The following NUP153 variants were observed in gnomAD, a reference collection of about 807,000 sequenced individuals.
NUP153 encodes nucleoporin 153.
In NUP153, 27 loss-of-function variants were observed where a neutral mutation model predicts 134.6. The observed-to-expected ratio is 0.20, with a 90% confidence interval of 0.15 to 0.28. The LOEUF (loss-of-function observed/expected upper bound fraction) is 0.28. NUP153 is among the 10% of genes least tolerant of loss of function. The pLI is 1.00. For missense variants in NUP153, 1,821 were observed against 1,731.3 expected (o/e 1.05, Z -0.92); for synonymous variants, 640 against 623.5 (o/e 1.03, Z -0.40).
rs772543268 is a variant in NUP153 at position 17,649,297 on chromosome 6, T to A, written c.1399A>T (p.Met467Leu). 5.6e-6 allele frequency: 9 copies of A among 1,609,832 alleles called. No individual in the cohort carries two copies. In the South Asian group the frequency reaches 1.0e-4, roughly 18 times the overall value. The change falls in exon 12 of 22, where the codon ATG (methionine) becomes TTG (leucine). Residue 467 changes from methionine (M) to leucine (L), a missense_variant. Met to Leu is a conservative substitution (Grantham distance 15). Transcript: ENST00000262077. ...VASKPLEEEE[M>L]EVPVLPKISL... Reference sequence around the variant, plus strand: ...ATTTTCGGTAATACTGGAACTTCCATTTCCTAAAACATAACATGTTGCATG... The same window carrying A: ...ATTTTCGGTAATACTGGAACTTCCAATTCCTAAAACATAACATGTTGCATG...
At chr6:17,682,141 G>A (rs978938806) in intron 2 of NUP153, among the ~76,000 whole-genome samples, 21 of 152,116 alleles carry the variant, frequency 1.4e-4, no homozygotes, top group African/African-American at 4.8e-4. Context: ...AGTCACACAC[G>A]TTTTTGGTTT....
At chr6:17,685,096 CAATT>C (rs1768833844) in intron 2 of NUP153, among the ~76,000 whole-genome samples, 1 of 152,154 alleles carries the variant, frequency 6.6e-6, no homozygotes, top group South Asian at 2.1e-4. Flanking sequence ...GCCACAAACT[CAATT>C]TGTAAAAAAT....
In NUP153 at chr6:17,674,940, C is replaced by A. The variant is rs1201768162; in HGVS notation, c.817G>T (p.Val273Leu). 4 of 1,613,576 alleles carry A rather than the reference C, an allele frequency of 2.5e-6. No individual in the cohort carries two copies. In the Admixed American group the frequency reaches 5.0e-5, roughly 20 times the overall value. Residue 273 changes from valine (V) to leucine (L), a missense_variant, in exon 5 of 22, where the codon GTA (valine) becomes TTA (leucine). By Grantham distance (32) the Val-to-Leu change is conservative. Coordinates refer to ENST00000262077, the MANE Select transcript of NUP153 (RefSeq NM_005124.4). The part of the protein sequence containing the change: ...KTTYGGAAAA[V>L]RQSKLRNTPY... ...GTATTTCGTAGTTTAGACTGTCTTACAGCAGCTGCTGCCCCACCGTATGTT... is the reference window on the plus strand; with the variant it reads ...GTATTTCGTAGTTTAGACTGTCTTAAAGCAGCTGCTGCCCCACCGTATGTT...
At position 17,661,682 on chromosome 6, in the gene NUP153, A is replaced by G. The variant is rs546495903; in HGVS notation, c.1366T>C (p.Phe456Leu). The change falls in exon 11 of 22, where the codon TTT becomes CTT. Residue 456 changes from phenylalanine (F) to leucine (L), a missense_variant. Transcript: ENST00000262077. Reference protein sequence around the residue: ...GGKMRRERTRFVASKPLEEEE... With the variant: ...GGKMRRERTRLVASKPLEEEE... ...TCCTCCAGAGGTTTAGAAGCAACAA[A>G]GCGTGTTCTTTCTCGTCTCATCTTG... 3 of 1,613,952 alleles carry G rather than the reference A, an allele frequency of 1.9e-6. No individual in the cohort carries two copies. Among genetic ancestry groups the G allele is most frequent in the Non-Finnish European group, 2.5e-6 (3 of 1,179,902 alleles).
chr6:17,630,841 T>C (rs1273665300), intron 17 of NUP153, among the ~76,000 whole-genome samples: 2 of 151,632 alleles, frequency 1.3e-5, no homozygotes, highest in African/African-American at 4.8e-5. Flanking sequence ...GAGCAAGCAT[T>C]ATACTGACAA....
In NUP153 at chr6:17,706,377, C is replaced by T. The variant is rs781127428; in HGVS notation, c.11G>A (p.Gly4Glu). The stretch of plus-strand genomic sequence containing the variant: ...ACCGCCCCCTCCGACTCCTCCGGCT[C>T]CCGAGGCCATGGCGGAGCCTCCGCC... MAS[G>E]AGGVGGGGGG... Residue 4 changes from glycine to glutamate, a missense_variant, in exon 1 of 22, where the codon GGA becomes GAA. By Grantham distance (98) the Gly-to-Glu change is moderately conservative. Transcript: ENST00000262077. The surrounding 1 kb of genome is among the most constrained non-coding windows in gnomAD (Gnocchi z 5.9). 1.2e-6 allele frequency: 2 copies of T among 1,612,036 alleles called. No homozygotes were observed. The highest frequency in any genetic ancestry group is 1.3e-5 in the African/African-American group (1 of 74,880).
At chr6:17,671,874 G>A (rs2113830139) in intron 5 of NUP153, among the ~76,000 whole-genome samples, 2 of 152,268 alleles carry the variant, frequency 1.3e-5, no homozygotes, top group Middle Eastern at 6.8e-3. Context: ...GGGGCATGGT[G>A]GTGTGTGCCT....
In NUP153 at chr6:17,635,012, T is replaced by C. The variant is rs796579282; in HGVS notation, c.2464+2141A>G. On this transcript the variant is annotated intron_variant, in intron 16 of 21. Transcript: ENST00000262077. Reference sequence around the variant, plus strand: ...AAAAATAAATCGCAAAAGAATCTCATAATGTTTTAGAAAATTCACAAATCT... The same window carrying C: ...AAAAATAAATCGCAAAAGAATCTCACAATGTTTTAGAAAATTCACAAATCT... Among the ~76,000 whole-genome samples the C allele has an allele frequency of 9.3e-5, 14 of 150,604 alleles. No individual in the cohort carries two copies. The East Asian group carries it at 2.5e-3, about 27-fold the overall frequency.
intron 13 of NUP153, 22 bp from the exon 14 acceptor site, chr6:17,646,176 T>G (rs753030049): frequency 3.1e-6 from 4 of 1,282,180 alleles, no homozygotes; most frequent in Non-Finnish European, 4.5e-6. Flanking sequence ...AAGAATATCC[T>G]TATACTTCGT....
At chr6:17,683,162 A>C (rs530985415) in intron 2 of NUP153, among the ~76,000 whole-genome samples, 2 of 152,108 alleles carry the variant, frequency 1.3e-5, no homozygotes, top group Non-Finnish European at 2.9e-5. Flanking sequence ...ATTCATGTCA[A>C]TATTTGGACC....
chr6:17,706,574 C>A lies in NUP153; in HGVS notation c.-187G>T. On this transcript the variant is annotated 5_prime_UTR_variant, in exon 1 of 22. Coordinates refer to ENST00000262077, the MANE Select transcript of NUP153 (RefSeq NM_005124.4). This position sits in a 1 kb window ranked among gnomAD's most constrained non-coding sequence, Gnocchi z 5.9. ...AGCAGGAGCGGAGAGAGGGTGAGTG[C>A]TGGCAGCGGGGAAGGGGGTGGCGGC... The A allele has an allele frequency of 3.4e-6, 2 of 584,058 alleles. No homozygotes were observed. The highest frequency in any genetic ancestry group is 4.0e-5 in the South Asian group (2 of 49,852). The allele number at this position is 584,058 out of a possible 1,614,324, so 36.2% of individuals were successfully genotyped here. A position where few individuals can be genotyped will look rare whatever the true frequency, so the allele number is the denominator to read the frequency against.
At chr6:17,689,151 T>A (rs1007048482) in intron 1 of NUP153, among the ~76,000 whole-genome samples, 3 of 151,930 alleles carry the variant, frequency 2.0e-5, no homozygotes, top group Admixed American at 1.3e-4. Context: ...TTTGGGGGAC[T>A]GAGGTGGGCA....
chr6:17,617,384 CA>C (rs1482137232), intron 20 of NUP153, among the ~76,000 whole-genome samples: 1 of 143,082 alleles, frequency 7.0e-6, no homozygotes, highest in African/African-American at 2.6e-5. Context: ...AGGGAAAGAA[CA>C]GAAGCAATTG....
At chr6:17,691,957 T>C (rs1769303423) in intron 1 of NUP153, among the ~76,000 whole-genome samples, 1 of 152,130 alleles carries the variant, frequency 6.6e-6, no homozygotes, top group Non-Finnish European at 1.5e-5. Flanking sequence ...GACTACCACA[T>C]CCAGCTATAG....
intron 9 of NUP153, among the ~76,000 whole-genome samples, chr6:17,662,764 G>C (rs1428035566): frequency 6.6e-6 from 1 of 152,166 alleles, no homozygotes; most frequent in African/African-American, 2.4e-5. Flanking sequence ...TGAACAGTGA[G>C]AACAGCTCAG....
chr6:17,672,969 T>C (rs1381373958), intron 5 of NUP153, among the ~76,000 whole-genome samples: 1 of 152,080 alleles, frequency 6.6e-6, no homozygotes, highest in Non-Finnish European at 1.5e-5. Flanking sequence ...AAAATCTTTG[T>C]GACATGGGAT....
chr6:17,679,375 CAG>C (rs1768436720), intron 2 of NUP153, among the ~76,000 whole-genome samples: 1 of 152,044 alleles, frequency 6.6e-6, no homozygotes, highest in East Asian at 1.9e-4. Flanking sequence ...AGAAAGAAAA[CAG>C]AAATGGAAAA....
chr6:17,689,531 G>A (rs1769153297), intron 1 of NUP153, among the ~76,000 whole-genome samples: 2 of 151,034 alleles, frequency 1.3e-5, no homozygotes, highest in Middle Eastern at 3.2e-3. Context: ...ATTTTATTAC[G>A]GTAACTTCTT....
intron 11 of NUP153, among the ~76,000 whole-genome samples, chr6:17,658,300 G>T (rs1336572462): frequency 6.6e-6 from 1 of 152,208 alleles, no homozygotes; most frequent in African/African-American, 2.4e-5. Flanking sequence ...GGAGGCTGAG[G>T]CACAAAAATA....
Sources: gnomAD v4.1 joint callset for allele counts (sites outside exome capture counted in the v4.1 genomes callset) on GRCh38, gnomAD v4.1.1 for gene constraint, Gnocchi (gnomAD v3.1) non-coding constraint, MANE v1.5 for transcripts, NCBI Gene and HGNC (gene_info 2026-07-23, HGNC 2026-07-21) for gene names.